Variants in FBXO34 observed in about 807,000 individuals in gnomAD.
FBXO34 encodes F-box only protein 34.
FBXO34 carries 12 observed loss-of-function variants against 24.5 expected under a neutral mutation model. The ratio of observed to expected loss-of-function variants is 0.49; its 90% CI spans 0.31 to 0.79. The LOEUF is 0.79. Among genes scored for constraint, FBXO34 ranks in the 30% least tolerant of loss-of-function variants. The probability of loss-of-function intolerance (pLI) is 0.04; values close to 1 mark genes in which losing one functional copy is unlikely to be tolerated. For synonymous variants in FBXO34, 320 were observed against 311.9 expected (o/e 1.03, Z -0.27); for missense variants, 823 against 857.7 (o/e 0.96, Z 0.51).
At chr14:55,312,469 T>A (rs1021138767) in intron 1 of FBXO34, among the ~76,000 whole-genome samples, 15 of 152,204 alleles carry the variant, frequency 9.9e-5, no homozygotes, top group African/African-American at 3.6e-4. Flanking sequence ...AACTAGGCAG[T>A]ACCCCAGTGG....
intron 1 of FBXO34, among the ~76,000 whole-genome samples, chr14:55,308,358 G>A (rs564150823): frequency 2.0e-5 from 3 of 152,282 alleles, no homozygotes; most frequent in African/African-American, 7.2e-5. Flanking sequence ...ACCAGTATTT[G>A]ATGATACTTA....
chr14:55,406,655 G>A, the FBXO34 span, among the ~76,000 whole-genome samples: 1 of 152,088 alleles, frequency 6.6e-6, no homozygotes, highest in Non-Finnish European at 1.5e-5. Flanking sequence ...CAATGGTCCT[G>A]GGTCTCGAGA....
intron 1 of FBXO34, among the ~76,000 whole-genome samples, chr14:55,278,656 A>T (rs73281275): frequency 6.6e-6 from 1 of 152,196 alleles, no homozygotes; most frequent in African/African-American, 2.4e-5. Context: ...ATTAAAATGT[A>T]GTTATAAAAG....
At chr14:55,332,367 A>T (rs1883625590) in intron 1 of FBXO34, among the ~76,000 whole-genome samples, 1 of 152,074 alleles carries the variant, frequency 6.6e-6, no homozygotes, top group Non-Finnish European at 1.5e-5. Context: ...CTGTCCTTCA[A>T]AGTGTCGTTA....
the FBXO34 span, chr14:55,414,595 C>T: frequency 6.5e-6 from 4 of 618,048 alleles, no homozygotes; most frequent in South Asian, 2.7e-5. Context: ...GCATTTATTC[C>T]GGGTAAATAA....
At chr14:55,394,221 G>A in the FBXO34 span, among the ~76,000 whole-genome samples, 2 of 151,212 alleles carry the variant, frequency 1.3e-5, no homozygotes, top group South Asian at 4.2e-4. Flanking sequence ...TGGTCAGGCT[G>A]GTCTCGAACT....
downstream of FBXO34, chr14:55,369,626 T>C: frequency 3.3e-6 from 5 of 1,516,212 alleles, no homozygotes; most frequent in Non-Finnish European, 4.4e-6. Context: ...TCGTTAACGG[T>C]GTCCAGTGTA....
intron 1 of FBXO34, among the ~76,000 whole-genome samples, chr14:55,292,428 C>T (rs1881973107): frequency 6.6e-6 from 1 of 152,000 alleles, no homozygotes; most frequent in Admixed American, 6.6e-5. Flanking sequence ...GGTGCCAACA[C>T]AGCTCACTGC....
intron 1 of FBXO34, among the ~76,000 whole-genome samples, chr14:55,284,513 C>CGA (rs1566540108): frequency 1.2e-5 from 1 of 84,160 alleles, no homozygotes; most frequent in South Asian, 3.9e-4. Flanking sequence ...CCTCTGTCTC[C>CGA]AAAAAAAAAA....
intron 1 of FBXO34, among the ~76,000 whole-genome samples, chr14:55,333,813 T>C (rs1490115330): frequency 1.3e-5 from 2 of 151,996 alleles, no homozygotes; most frequent in Non-Finnish European, 2.9e-5. Flanking sequence ...TAGTGTTTCT[T>C]GTTGGGACTT....
chr14:55,337,759 T>C (rs1883832322), intron 1 of FBXO34, among the ~76,000 whole-genome samples: 1 of 152,194 alleles, frequency 6.6e-6, no homozygotes, highest in Non-Finnish European at 1.5e-5. Context: ...GTGTCAAACT[T>C]GAGGCATCCA....
chr14:55,393,738 A>G, the FBXO34 span, among the ~76,000 whole-genome samples: 3 of 151,874 alleles, frequency 2.0e-5, no homozygotes, highest in Non-Finnish European at 4.4e-5. Flanking sequence ...GTTTTTGTAG[A>G]TATGGGGTTT....
At chr14:55,349,799 GT>G (rs1884283086) in intron 1 of FBXO34, among the ~76,000 whole-genome samples, 2 of 151,736 alleles carry the variant, frequency 1.3e-5, no homozygotes, top group South Asian at 4.2e-4. Context: ...TAAAGACAGG[GT>G]TTTCCCATGT....
At chr14:55,397,170 G>C in the FBXO34 span, among the ~76,000 whole-genome samples, 1 of 152,126 alleles carries the variant, frequency 6.6e-6, no homozygotes, top group South Asian at 2.1e-4. Flanking sequence ...CCACACACCG[G>C]ATCTGAGGCC....
intron 1 of FBXO34, chr14:55,272,086 C>T (rs1881169189): frequency 6.6e-6 from 1 of 152,274 alleles, no homozygotes. Context: ...TGCGGTTCGT[C>T]CTCAGTCCAC....
chr14:55,299,064 G>A (rs893326183), intron 1 of FBXO34: 2 of 1,554,434 alleles, frequency 1.3e-6, no homozygotes, highest in East Asian at 2.2e-5. Flanking sequence ...TTCGAAACCT[G>A]TAGGGTTTGG....
intron 1 of FBXO34, among the ~76,000 whole-genome samples, chr14:55,275,730 A>G (rs1196810071): frequency 6.7e-6 from 1 of 149,368 alleles, no homozygotes; most frequent in Non-Finnish European, 1.5e-5. Flanking sequence ...AGGCTGAGGC[A>G]GGAGAATGGT....
chr14:55,377,347 C>CA, the FBXO34 span, among the ~76,000 whole-genome samples: 80 of 144,396 alleles, frequency 5.5e-4, no homozygotes, highest in Admixed American at 1.6e-3. Flanking sequence ...AACCCCATCT[C>CA]AAAAAAAAAA....
the FBXO34 span, among the ~76,000 whole-genome samples, chr14:55,379,856 G>A: frequency 6.6e-6 from 1 of 152,140 alleles, no homozygotes; most frequent in Non-Finnish European, 1.5e-5. Flanking sequence ...CAAATAGCTG[G>A]GATACAGGCG....
Sources: gnomAD v4.1 joint callset for allele counts (sites outside exome capture counted in the v4.1 genomes callset) on GRCh38, gnomAD v4.1.1 for gene constraint, MANE v1.5 for transcripts, NCBI Gene and HGNC (gene_info 2026-07-23, HGNC 2026-07-21) for gene names.